Variants in EXT1 observed in about 807,000 individuals in gnomAD.
EXT1 encodes the protein exostosin glycosyltransferase 1, also known as exostosin-1.
In EXT1, 20 loss-of-function variants were observed where a neutral mutation model predicts 82.5. That is an observed-to-expected ratio of 0.24 (90% CI 0.17 to 0.35). The LOEUF (loss-of-function observed/expected upper bound fraction) is 0.35. Ranked by LOEUF, EXT1 falls within the 10% of genes least tolerant of loss-of-function variation. The pLI, the probability that EXT1 is intolerant of heterozygous loss-of-function variation, is 1.00. For synonymous variants in EXT1, 348 were observed against 350.8 expected, an observed-to-expected ratio of 0.99 and a Z score of 0.09; for missense variants, 757 against 936.5, an observed-to-expected ratio of 0.81 and a Z score of 2.50.
At chr8:117,818,605 C>A in intron 6 of EXT1, 75 bp from the exon 7 acceptor site, 3 of 1,163,622 alleles carry the variant, frequency 2.6e-6, no homozygotes, top group South Asian at 2.4e-5. Context: ...AGCCTCTTCT[C>A]AGAGACAGAA....
chr8:117,826,412 T>G (rs1812008929), intron 4 of EXT1, among the ~76,000 whole-genome samples: 1 of 152,174 alleles, frequency 6.6e-6, no homozygotes, highest in African/African-American at 2.4e-5. Flanking sequence ...GATCTTCAAC[T>G]CTATGCTGTA....
intron 1 of EXT1, among the ~76,000 whole-genome samples, chr8:117,927,154 A>G (rs542336824): frequency 2.6e-5 from 4 of 152,230 alleles, no homozygotes; most frequent in Admixed American, 2.6e-4. Flanking sequence ...TGTCAATTCC[A>G]CTCACTGATT....
At chr8:117,914,683 G>C (rs770241888) in intron 1 of EXT1, among the ~76,000 whole-genome samples, 2 of 152,130 alleles carry the variant, frequency 1.3e-5, no homozygotes, top group Non-Finnish European at 2.9e-5. Flanking sequence ...GATATGCCCT[G>C]GTCTCTGGCA....
chr8:118,024,495 CACAGACTCTAGGGATAAA>C (rs1816168246), intron 1 of EXT1, among the ~76,000 whole-genome samples: 1 of 150,798 alleles, frequency 6.6e-6, no homozygotes, highest in Admixed American at 6.6e-5. Flanking sequence ...CCAGGTAATG[CACAGACTCTAGGGATAAA>C]ACAGCTTTAA....
At chr8:117,840,432 G>A (rs1812256148) in intron 1 of EXT1, among the ~76,000 whole-genome samples, 1 of 152,082 alleles carries the variant, frequency 6.6e-6, no homozygotes, top group Non-Finnish European at 1.5e-5. Context: ...GGCCAACATG[G>A]TGTAACCTCA....
intron 1 of EXT1, among the ~76,000 whole-genome samples, chr8:117,936,987 C>T (rs1347676578): frequency 6.6e-6 from 1 of 152,200 alleles, no homozygotes; most frequent in East Asian, 1.9e-4. Context: ...CAACACAGCA[C>T]CTGCCACACA....
chr8:118,058,153 C>T (rs189159875), intron 1 of EXT1, among the ~76,000 whole-genome samples: 6 of 152,138 alleles, frequency 3.9e-5, no homozygotes. Flanking sequence ...GACACAAATA[C>T]ACAACACACA....
Position 117,957,888 on chromosome 8 carries a change from A to G in EXT1, c.963-120687T>C, listed in dbSNP as rs1428431131. Among the ~76,000 whole-genome samples, 3 of 152,210 alleles carry G rather than the reference A, an allele frequency of 2.0e-5. No homozygotes were observed. In the South Asian group the frequency reaches 6.2e-4, roughly 32 times the overall value. ...AGTTCAAGATACTTAACTATGTTTC[A>G]GTTGAAATGGACTTCCTTAAAGATA... is the stretch of plus-strand genomic sequence containing the variant. On this transcript the variant is annotated intron_variant, in intron 1 of 10. Transcript: ENST00000378204.
At position 117,795,881 on chromosome 8, in the gene EXT1, A is replaced by G. The variant is rs1241829842; in HGVS notation, c.*3831T>C. The G allele has an allele frequency of 6.6e-6, 1 of 152,210 alleles. No homozygotes were observed. Among genetic ancestry groups the G allele is most frequent in the African/African-American group, 2.4e-5 (1 of 41,464 alleles). The allele number at this position is 152,210 out of a possible 1,614,324, so 9.4% of individuals were successfully genotyped here. A position where few individuals can be genotyped will look rare whatever the true frequency, so the allele number is the denominator to read the frequency against. On this transcript the variant is annotated 3_prime_UTR_variant, in exon 11 of 11. Coordinates refer to ENST00000378204, the MANE Select transcript of EXT1 (RefSeq NM_000127.3). ...TTCTTATACCAAGTGAGACAAGTTTAGCACAGTTTGATATTAATGCTTATT... is the reference window on the plus strand; with the variant it reads ...TTCTTATACCAAGTGAGACAAGTTTGGCACAGTTTGATATTAATGCTTATT...
intron 1 of EXT1, among the ~76,000 whole-genome samples, chr8:117,857,156 G>A (rs959620561): frequency 1.3e-4 from 20 of 152,164 alleles, no homozygotes; most frequent in African/African-American, 2.4e-4. Context: ...TATTGCGTTC[G>A]TTGGCAAGTC....
intron 1 of EXT1, among the ~76,000 whole-genome samples, chr8:118,014,096 C>T (rs903891751): frequency 8.6e-5 from 13 of 152,046 alleles, no homozygotes. Context: ...ATGATGATGG[C>T]GATAATAATT....
At chr8:117,845,572 A>G (rs1011869276) in intron 1 of EXT1, among the ~76,000 whole-genome samples, 13 of 151,714 alleles carry the variant, frequency 8.6e-5, no homozygotes, top group African/African-American at 3.1e-4. Context: ...AAAAAAATAA[A>G]TAAAAGATAG....
chr8:117,914,202 T>G (rs1331622207), intron 1 of EXT1, among the ~76,000 whole-genome samples: 1 of 152,208 alleles, frequency 6.6e-6, no homozygotes, highest in Non-Finnish European at 1.5e-5. Flanking sequence ...GAACATAAAT[T>G]GTGAAGATTT....
chr8:117,867,113 G>A (rs778041225), intron 1 of EXT1, among the ~76,000 whole-genome samples: 1 of 151,990 alleles, frequency 6.6e-6, no homozygotes, highest in African/African-American at 2.4e-5. Flanking sequence ...ACAAAAATTC[G>A]CTGGACATGA....
chr8:118,018,256 T>G (rs1003160682), intron 1 of EXT1, among the ~76,000 whole-genome samples: 5 of 152,044 alleles, frequency 3.3e-5, no homozygotes, highest in Admixed American at 1.3e-4. Flanking sequence ...GTAGGGTGGG[T>G]GCCTAAGCCA....
chr8:117,856,270 G>A (rs1428533425), intron 1 of EXT1, among the ~76,000 whole-genome samples: 6 of 145,060 alleles, frequency 4.1e-5, no homozygotes, highest in East Asian at 4.1e-4. Flanking sequence ...TTTTTTTTGT[G>A]GGGGGACGGA....
intron 1 of EXT1, among the ~76,000 whole-genome samples, chr8:117,927,552 T>G (rs926783890): frequency 1.3e-5 from 2 of 152,016 alleles, no homozygotes; most frequent in African/African-American, 4.8e-5. Flanking sequence ...TCTGAAGGGA[T>G]TCAGACTCTC....
intron 1 of EXT1, among the ~76,000 whole-genome samples, chr8:118,034,031 G>A (rs1317235270): frequency 1.3e-5 from 2 of 152,212 alleles, no homozygotes; most frequent in Non-Finnish European, 2.9e-5. Context: ...GGCAGAAGCA[G>A]AGGAAAATTT....
intron 1 of EXT1, among the ~76,000 whole-genome samples, chr8:117,978,776 G>A (rs768075280): frequency 2.0e-5 from 3 of 152,182 alleles, no homozygotes; most frequent in Non-Finnish European, 4.4e-5. Context: ...GGGTATCCCC[G>A]TTCACTCTCA....
Sources: allele counts gnomAD v4.1 joint callset (sites outside exome capture counted in the v4.1 genomes callset), GRCh38; gene constraint gnomAD v4.1.1; transcripts MANE v1.5; gene names NCBI Gene and HGNC (gene_info 2026-07-23, HGNC 2026-07-21).